The following MAGIX variants were observed in gnomAD, a reference collection of about 807,000 sequenced individuals.
MAGIX encodes the protein MAGI family member, X-linked, also known as PDZ domain-containing protein MAGIX.
A neutral mutation model predicts 10.0 loss-of-function variants in MAGIX; 13 were observed. That is an observed-to-expected ratio of 1.30 (90% confidence interval 0.84 to 2.06). The LOEUF is 2.06. Ranked by LOEUF, MAGIX falls within the 30% of genes most tolerant of loss-of-function variation. MAGIX has a pLI of 0.00. For missense variants in MAGIX, 235 were observed against 245.2 expected, an observed-to-expected ratio of 0.96 and a Z score of 0.28; for synonymous variants, 108 against 106.8, an observed-to-expected ratio of 1.01 and a Z score of -0.07.
intron 4 of MAGIX, 82 bp from the exon 6 acceptor site, chrX:49,165,992 G>C: frequency 1.0e-6 from 1 of 982,968 alleles, no homozygotes; most frequent in Non-Finnish European, 1.4e-6. Flanking sequence ...CTCATCTCCC[G>C]CAGCCTTTGG....
chrX:49,165,808 G>A, intron 4 of MAGIX: 1 of 379,170 alleles, frequency 2.6e-6, no homozygotes, highest in East Asian at 4.3e-5. Context: ...GGAGAGAGCA[G>A]GGGCTCCTAG....
chrX:49,168,688 G>A (rs183987293), downstream of MAGIX, among the ~76,000 whole-genome samples: 45 of 99,061 alleles, frequency 4.5e-4, no homozygotes, highest in East Asian at 0.014. Context: ...GAGGTGGGAG[G>A]ATCACTTGAG....
chrX:49,165,760 G>A (rs1255424411), intron 4 of MAGIX: 3 of 337,347 alleles, frequency 8.9e-6, no homozygotes, highest in Non-Finnish European at 1.5e-5. Flanking sequence ...AAAACAAAGG[G>A]TCGGTGGTTT....
chrX:49,162,896 C>A, intron 1 of MAGIX: 1 of 901,171 alleles, frequency 1.1e-6, no homozygotes, highest in Admixed American at 4.0e-5. Flanking sequence ...GGCCATGGAG[C>A]CGCGCACAGG....
chrX:49,164,229 CA>C, intron 2 of MAGIX: 2 of 259,888 alleles, frequency 7.7e-6, no homozygotes, highest in Non-Finnish European at 1.4e-5. Flanking sequence ...GGGGGGCGGG[CA>C]CGCAGCGAAG....
chrX:49,165,047 GGCT>G (rs1557097427), exon 3 of MAGIX: 6 of 1,209,326 alleles, frequency 5.0e-6, no homozygotes, highest in Non-Finnish European at 6.7e-6. Context: ...GCCGTGCGCG[GGCT>G]GCTGAAGGAT....
chrX:49,165,932 G>A, intron 4 of MAGIX, 142 bp from the exon 6 acceptor site: 1 of 526,505 alleles, frequency 1.9e-6, no homozygotes, highest in Non-Finnish European at 3.1e-6. Flanking sequence ...TGTGAGGGGT[G>A]GTGCCGATCC....
intron 4 of MAGIX, 122 bp from the exon 6 acceptor site, chrX:49,165,952 T>C: frequency 1.5e-6 from 1 of 666,766 alleles, no homozygotes. Flanking sequence ...CCAGAAGGCC[T>C]GGAGGGGAGA....
downstream of MAGIX, among the ~76,000 whole-genome samples, chrX:49,168,774 C>CAAAAAAA (rs35343968): frequency 5.9e-5 from 1 of 16,897 alleles, no homozygotes; most frequent in Non-Finnish European, 9.6e-5. Context: ...GACCTTATCT[C>CAAAAAAA]AAAAAAAAAA....
At chrX:49,166,800 T>C in exon 5 of MAGIX, 1 of 142,334 alleles carries the variant, frequency 7.0e-6, no homozygotes, top group Non-Finnish European at 1.4e-5. Flanking sequence ...GCGTGCTTTC[T>C]TTTTCTCTTC....
At chrX:49,166,567 C>T (rs1025554103) in exon 5 of MAGIX, 2 of 439,039 alleles carry the variant, frequency 4.6e-6, no homozygotes, top group Non-Finnish European at 3.8e-6. Flanking sequence ...GTGGTACGAC[C>T]CTTCCAGCCG....
intron 4 of MAGIX, chrX:49,165,851 G>T: frequency 4.9e-6 from 2 of 411,279 alleles, no homozygotes; most frequent in Admixed American, 8.6e-5. Context: ...TGGAGATTGT[G>T]GGAAATGATT....
exon 5 of MAGIX, chrX:49,166,534 A>C: frequency 2.0e-6 from 1 of 500,576 alleles, no homozygotes; most frequent in Middle Eastern, 6.0e-4. Context: ...AGTGGCTCTG[A>C]CCACACTCCC....
chrX:49,163,985 C>T (rs1820578536), intron 2 of MAGIX, 56 bp downstream of exon 2: 2 of 972,520 alleles, frequency 2.1e-6, no homozygotes, highest in South Asian at 7.8e-5. Context: ...GAGTTGGGTT[C>T]AGTGGGACAG....
chrX:49,164,150 G>A, intron 2 of MAGIX: 1 of 306,094 alleles, frequency 3.3e-6, no homozygotes, highest in Non-Finnish European at 5.6e-6. Flanking sequence ...TAGATTAGAT[G>A]AGAGTGCGGA....
At chrX:49,164,171 C>T (rs782013784) in intron 2 of MAGIX, 1 of 283,097 alleles carries the variant, frequency 3.5e-6, no homozygotes, top group Non-Finnish European at 6.1e-6. Context: ...ACTGGACCCC[C>T]GTTCTGGCGG....
exon 5 of MAGIX, chrX:49,167,149 G>T (rs1557098470): frequency 2.6e-5 from 3 of 114,118 alleles, no homozygotes; most frequent in Non-Finnish European, 3.7e-5. Context: ...GAGTGGGGAA[G>T]GTGTGAGTCA....
In MAGIX at chrX:49,163,953, C is replaced by T. The variant is rs782199729; in HGVS notation, c.-55+24C>T. ...GGGTGAGTGACTGGCGCAGGGCCTC[C>T]GCTGGGGGAGGGTTCGGAGAGGAGT... On this transcript the variant is annotated intron_variant, in intron 2 of 4. Coordinates refer to ENST00000616266, the Ensembl canonical transcript of MAGIX. 6 of 1,003,630 alleles carry T rather than the reference C, an allele frequency of 6.0e-6. No homozygotes were observed. The South Asian group carries it at 1.8e-4, about 30-fold the overall frequency. 82.7% of individuals were successfully genotyped at this position (1,003,630 alleles called of 1,213,427 possible). A position where few individuals can be genotyped will look rare whatever the true frequency, so the allele number is the denominator to read the frequency against.
At chrX:49,168,680 G>A (rs2065381040), downstream of MAGIX, among the ~76,000 whole-genome samples, 2 of 101,145 alleles carry the variant, frequency 2.0e-5, no homozygotes, top group Admixed American at 1.1e-4. Context: ...GGGACACTGA[G>A]GTGGGAGGAT....
Sources: gnomAD v4.1 joint callset for allele counts (sites outside exome capture counted in the v4.1 genomes callset) on GRCh38, gnomAD v4.1.1 for gene constraint, MANE v1.5 for transcripts, NCBI Gene and HGNC (gene_info 2026-07-23, HGNC 2026-07-21) for gene names.